LIMK2: variants seen among roughly 807,000 people sequenced by gnomAD.
LIMK2 encodes the protein LIM domain kinase 2.
Under a neutral mutation model 75.7 loss-of-function variants are expected in LIMK2, and 35 were observed. The observed-to-expected ratio is 0.46, with a 90% CI of 0.35 to 0.61. The LOEUF is 0.61. Among genes scored for constraint, LIMK2 ranks in the 20% least tolerant of loss-of-function variants. LIMK2 has a pLI of 0.00. For synonymous variants in LIMK2, 301 were observed against 319.2 expected (o/e 0.94, Z 0.61); for missense variants, 623 against 831.0 (o/e 0.75, Z 3.08).
rs746599250 is a variant in LIMK2 at position 31,246,183 on chromosome 22, G to GCGCACACACACACA, written c.117-12107_117-12106insGCACACACACACAC. 2.2e-3 allele frequency among the ~76,000 whole-genome samples: 298 copies of GCGCACACACACACA among 135,088 alleles called. 1 individual carries two copies. The highest frequency in any genetic ancestry group is 7.3e-3 in the South Asian group (29 of 3,976). 88.6% of individuals were successfully genotyped at this position (135,088 alleles called of 152,430 possible). ...GCGAGACTCCGACACACGCACGCAC[G>GCGCACACACACACA]CACACACACACACACACACACACAC... On this transcript the variant is annotated intron_variant, in intron 2 of 15. Coordinates refer to ENST00000331728, the MANE Select transcript of LIMK2 (RefSeq NM_005569.4).
chr22:31,266,296 G>A (rs967719195), intron 8 of LIMK2, among the ~76,000 whole-genome samples, 164 bp downstream of exon 8: 2 of 152,116 alleles, frequency 1.3e-5, no homozygotes, highest in East Asian at 1.9e-4. Flanking sequence ...CCCCACCCAG[G>A]CCACCTAAGG....
At chr22:31,251,511 C>T (rs1283922752) in intron 2 of LIMK2, among the ~76,000 whole-genome samples, 1 of 152,128 alleles carries the variant, frequency 6.6e-6, no homozygotes, top group Admixed American at 6.5e-5. Flanking sequence ...CATTATTTGC[C>T]AAATAATGGA....
Position 31,247,477 on chromosome 22 carries a change from A to G in LIMK2, c.117-10814A>G, listed in dbSNP as rs185026978. Among the ~76,000 whole-genome samples the G allele has an allele frequency of 3.9e-4, 59 of 152,298 alleles. 1 individual carries two copies. Among genetic ancestry groups the G allele is most frequent in the Admixed American group, 3.0e-3 (46 of 15,302 alleles). ...GAAGCTCCACTGTCCACTGAGGCCA[A>G]TGGATGGTGTTCTGCATGTGAACAC... is the stretch of plus-strand genomic sequence containing the variant. On this transcript the variant is annotated intron_variant, in intron 2 of 15. Transcript: ENST00000331728.
In LIMK2 at chr22:31,212,375, G is replaced by C; in HGVS notation, c.-34G>C. On this transcript the variant is annotated 5_prime_UTR_variant, in exon 1 of 16. Transcript: ENST00000331728. ...ACTGAGGGGAGCTGCTGTGTCCCCC[G>C]CCTCCTCCTCCCCATTTCCGCGCTC... The C allele has an allele frequency of 1.5e-6, 2 of 1,334,556 alleles. No individual in the cohort carries two copies. The highest frequency in any genetic ancestry group is 9.7e-7 in the Non-Finnish European group (1 of 1,033,410). 82.7% of individuals were successfully genotyped at this position (1,334,556 alleles called of 1,614,324 possible). A position where few individuals can be genotyped will look rare whatever the true frequency, so the allele number is the denominator to read the frequency against.
intron 12 of LIMK2, 148 bp from the exon 13 acceptor site, chr22:31,272,382 G>A (rs1236966441): frequency 1.5e-5 from 11 of 717,052 alleles, no homozygotes; most frequent in Admixed American, 5.9e-5. Flanking sequence ...GCCTGAGTGT[G>A]TCTATTTGAT....
Position 31,267,064 on chromosome 22 carries a change from G to T in LIMK2, c.1122G>T (p.Leu374=). The part of the protein sequence containing the change: ...RCDEETQKTF[L]TEVKVMRSLD... ...ATGAGGAGACCCAGAAAACTTTTCTGACTGAGGTAAGAAGATGGAGGGGGC... is the reference window on the plus strand; with the variant it reads ...ATGAGGAGACCCAGAAAACTTTTCTTACTGAGGTAAGAAGATGGAGGGGGC... The change falls in exon 9 of 16, where the codon CTG becomes CTT. Residue 374 remains leucine, a synonymous_variant. Coordinates refer to ENST00000331728, the MANE Select transcript of LIMK2 (RefSeq NM_005569.4). 1.3e-6 allele frequency: 2 copies of T among 1,599,628 alleles called. No homozygotes were observed. The highest frequency in any genetic ancestry group is 2.2e-5 in the South Asian group (2 of 89,512).
chr22:31,254,527 G>A (rs2048757721), intron 2 of LIMK2, among the ~76,000 whole-genome samples: 1 of 152,198 alleles, frequency 6.6e-6, no homozygotes, highest in Admixed American at 6.5e-5. Context: ...TTTGTCCTCA[G>A]GGAGCTAACA....
chr22:31,221,955 T>C (rs2048437960), intron 1 of LIMK2, among the ~76,000 whole-genome samples: 1 of 152,222 alleles, frequency 6.6e-6, no homozygotes, highest in Admixed American at 6.5e-5. Context: ...TTACTGTTAC[T>C]GTTGACCTTG....
Position 31,212,402 on chromosome 22 carries a change from CG to C in LIMK2, c.-4del. ...CTCCTCCTCCCCATTTCCGCGCTCC[CG>C]GGACCATGTCCGCGCTGGCGGGTAA... On this transcript the variant is annotated 5_prime_UTR_variant, in exon 1 of 16. Transcript: ENST00000331728. The C allele has an allele frequency of 1.5e-6, 2 of 1,339,388 alleles. No individual in the cohort carries two copies. The highest frequency in any genetic ancestry group is 2.9e-5 in the Admixed American group (1 of 34,724). The allele number at this position is 1,339,388 out of a possible 1,614,324, so 83.0% of individuals were successfully genotyped here.
intron 12 of LIMK2, among the ~76,000 whole-genome samples, chr22:31,272,254 T>A (rs893860932): frequency 3.8e-4 from 58 of 151,496 alleles, no homozygotes; most frequent in African/African-American, 1.3e-3. Flanking sequence ...TTTGTATTTT[T>A]AGTAGAGACG....
intron 12 of LIMK2, 170 bp from the exon 13 acceptor site, chr22:31,272,351 AGGTGGAAGC>A: frequency 2.2e-6 from 1 of 463,696 alleles, no homozygotes. Context: ...CTGGGATTAC[AGGTGGAAGC>A]CACCGTGCCT....
chr22:31,271,347 G>C lies in LIMK2; in HGVS notation c.1383+146G>C. On this transcript the variant is annotated intron_variant, in intron 12 of 15. Transcript: ENST00000331728. ...TCTTTCCCTTCCTGCTTCTTCCAATGCCCTTCTCTGTCCTCTGGGAGCTCC... is the reference window on the plus strand; with the variant it reads ...TCTTTCCCTTCCTGCTTCTTCCAATCCCCTTCTCTGTCCTCTGGGAGCTCC... The C allele has an allele frequency of 4.3e-6, 3 of 695,026 alleles. No individual in the cohort carries two copies. In the South Asian group the frequency reaches 4.8e-5, roughly 11 times the overall value. 43.1% of individuals were successfully genotyped at this position (695,026 alleles called of 1,614,324 possible).
rs55638065 is a variant in LIMK2 at position 31,259,210 on chromosome 22, G to A, written c.342G>A (p.Val114=). The change falls in exon 4 of 16, where the codon GTG becomes GTA. Residue 114 remains valine (V), a synonymous_variant. Transcript: ENST00000331728. ...AGGATGGGGATGCATATGCACTGGT[G>A]CAGCATGCCACCCTCTACTGGTAAG... The part of the protein sequence containing the change: ...IIEDGDAYAL[V]QHATLYCGKC... The A allele has an allele frequency of 0.012, 19,581 of 1,606,510 alleles. 143 individuals are homozygous for A. Among genetic ancestry groups the A allele is most frequent in the Non-Finnish European group, 0.014 (16,517 of 1,173,156 alleles).
intron 11 of LIMK2, among the ~76,000 whole-genome samples, chr22:31,268,792 C>T (rs895177180): frequency 6.6e-6 from 1 of 152,208 alleles, no homozygotes; most frequent in African/African-American, 2.4e-5. Context: ...GTTTATTCCT[C>T]ATGACAACCT....
At chr22:31,215,218 G>C (rs1230014987) in intron 1 of LIMK2, among the ~76,000 whole-genome samples, 5 of 152,216 alleles carry the variant, frequency 3.3e-5, no homozygotes, top group Admixed American at 2.0e-4. Flanking sequence ...CCTCCTCTCT[G>C]TAGCACAAAA....
intron 14 of LIMK2, among the ~76,000 whole-genome samples, chr22:31,274,548 G>C (rs771494517): frequency 1.3e-5 from 2 of 151,954 alleles, no homozygotes; most frequent in Non-Finnish European, 2.9e-5. Context: ...CTACAGGTGT[G>C]CGCCACCACG....
intron 15 of LIMK2, 62 bp downstream of exon 15, chr22:31,275,370 G>A (rs1410045197): frequency 1.3e-6 from 2 of 1,565,928 alleles, no homozygotes; most frequent in Admixed American, 1.7e-5. Flanking sequence ...TCTGTCTAAG[G>A]CCACCCCTGA....
At chr22:31,221,375 A>G (rs7292620) in intron 1 of LIMK2, among the ~76,000 whole-genome samples, 6,754 of 148,122 alleles carry the variant, frequency 0.046, 557 homozygotes, top group East Asian at 0.38. Flanking sequence ...CATCCTTTAG[A>G]GCTCAGCTTG....
intron 7 of LIMK2, among the ~76,000 whole-genome samples, 192 bp from the exon 8 acceptor site, chr22:31,265,754 A>G (rs1229286953): frequency 2.0e-5 from 3 of 152,196 alleles, no homozygotes; most frequent in Admixed American, 6.5e-5. Flanking sequence ...TGTTTTTACT[A>G]TGCTTAAATA....
Sources: allele counts gnomAD v4.1 joint callset (sites outside exome capture counted in the v4.1 genomes callset), GRCh38; gene constraint gnomAD v4.1.1; transcripts MANE v1.5; gene names NCBI Gene and HGNC (gene_info 2026-07-23, HGNC 2026-07-21).